MROH1: variants seen among roughly 807,000 people sequenced by gnomAD.
MROH1 encodes the protein maestro heat-like repeat-containing protein family member 1.
A neutral mutation model predicts 116.5 loss-of-function variants in MROH1; 117 were observed. The observed-to-expected ratio is 1.00, with a 90% CI of 0.86 to 1.17. MROH1 has a LOEUF of 1.17. Among genes scored for constraint, MROH1 ranks in the 50% most tolerant of loss-of-function variants. MROH1 has a pLI of 0.00. For missense variants in MROH1, 1,873 were observed against 1,338.5 expected, an observed-to-expected ratio of 1.40 and a Z score of -6.23; for synonymous variants, 921 against 583.9, an observed-to-expected ratio of 1.58 and a Z score of -8.32.
intron 10 of MROH1, among the ~76,000 whole-genome samples, chr8:144,196,988 A>G (rs542603932): frequency 0.013 from 2,014 of 151,866 alleles, 53 homozygotes; most frequent in African/African-American, 0.046. Context: ...CAGCTTACTC[A>G]GGAGGCTGAG....
chr8:144,161,850 C>T lies in MROH1; in HGVS notation c.-57+761C>T, dbSNP rs183518070. ...GTGCTGGCTACCCGCAGGGCACAGC[C>T]TCTGGTCCCAGAGCCCGGCCACTCA... On this transcript the variant is annotated intron_variant, in intron 2 of 43. Transcript: ENST00000326134. Among the ~76,000 whole-genome samples, 7 of 152,262 alleles carry T rather than the reference C, an allele frequency of 4.6e-5. No individual in the cohort carries two copies. The East Asian group carries it at 9.7e-4, about 21-fold the overall frequency.
chr8:144,247,821 G>C (rs1307086194), intron 31 of MROH1, 142 bp downstream of exon 31: 1 of 678,280 alleles, frequency 1.5e-6, no homozygotes, highest in Non-Finnish European at 2.7e-6. Flanking sequence ...CTGGGTGTTT[G>C]CATTAGTTGC....
intron 34 of MROH1, among the ~76,000 whole-genome samples, chr8:144,255,298 A>G (rs1393860071): frequency 2.6e-5 from 4 of 152,228 alleles, no homozygotes; most frequent in African/African-American, 9.6e-5. Flanking sequence ...TGTCCTGTGA[A>G]GGCTGACTGC....
chr8:144,253,190 A>G (rs1163453888), intron 33 of MROH1, among the ~76,000 whole-genome samples: 1 of 151,980 alleles, frequency 6.6e-6, no homozygotes, highest in Non-Finnish European at 1.5e-5. Flanking sequence ...GGCCATCTCT[A>G]CCCTGCCACC....
At chr8:144,253,085 TGGA>T (rs1843110118) in intron 33 of MROH1, among the ~76,000 whole-genome samples, 1 of 147,218 alleles carries the variant, frequency 6.8e-6, no homozygotes, top group Admixed American at 6.8e-5. Flanking sequence ...ACCTGGGAGG[TGGA>T]GGTTGCAGTG....
At chr8:144,210,176 C>G (rs771115657) in intron 12 of MROH1, among the ~76,000 whole-genome samples, 2 of 152,144 alleles carry the variant, frequency 1.3e-5, no homozygotes, top group Non-Finnish European at 2.9e-5. Context: ...CGGTGGCTCA[C>G]ACCTGTAATC....
At chr8:144,156,780 C>CTTTTTTTTTTTTTTTTTTT in intron 1 of MROH1, among the ~76,000 whole-genome samples, 1 of 82,412 alleles carries the variant, frequency 1.2e-5, no homozygotes, top group African/African-American at 4.3e-5. Context: ...AGTTTAATTT[C>CTTTTTTTTTTTTTTTTTTT]TTTTTTTTTT....
intron 4 of MROH1, among the ~76,000 whole-genome samples, chr8:144,176,308 G>A (rs1055355391): frequency 1.6e-4 from 25 of 151,644 alleles, no homozygotes; most frequent in African/African-American, 5.6e-4. Flanking sequence ...GGGATGCAGA[G>A]GTTGCAGTGA....
At chr8:144,210,942 C>G (rs1220198938) in intron 12 of MROH1, among the ~76,000 whole-genome samples, 1 of 152,168 alleles carries the variant, frequency 6.6e-6, no homozygotes, top group Non-Finnish European at 1.5e-5. Flanking sequence ...CTCCACAACT[C>G]TTTTCATCTT....
intron 12 of MROH1, among the ~76,000 whole-genome samples, chr8:144,211,502 G>T (rs1055915569): frequency 6.6e-6 from 1 of 152,040 alleles, no homozygotes; most frequent in Non-Finnish European, 1.5e-5. Flanking sequence ...GAGGCAGGTG[G>T]ATCACGAGGT....
chr8:144,261,305 A>G lies in MROH1; in HGVS notation c.4796A>G (p.Glu1599Gly), dbSNP rs2130130452. The G allele has an allele frequency of 1.4e-6, 1 of 726,524 alleles. No individual in the cohort carries two copies. Among genetic ancestry groups the G allele is most frequent in the Non-Finnish European group, 2.5e-6 (1 of 400,538 alleles). The allele number at this position is 726,524 out of a possible 1,614,324, so 45.0% of individuals were successfully genotyped here. The change falls in exon 43 of 44, where the codon GAG becomes GGG. Residue 1599 changes from glutamate (E) to glycine (G), a missense_variant. Physicochemically the swap from Glu to Gly is moderately conservative, Grantham distance 98 (BLOSUM62 -2). Transcript: ENST00000326134. ...ACAGGGTTCCTGGTGCTGCACTCGG[A>G]GCCCAGGCAGCAGCCGCAGGTGGAC... The part of the protein sequence containing the change: ...LFTGFLVLHS[E>G]PRQQPQVDLD...
In MROH1 at chr8:144,248,893, T is replaced by TC. The variant is rs1409914114; in HGVS notation, c.3143dup (p.Asp1049ArgfsTer12). The TC allele has an allele frequency of 3.9e-6, 3 of 778,188 alleles. No individual in the cohort carries two copies. Among genetic ancestry groups the TC allele is most frequent in the Non-Finnish European group, 4.8e-6 (2 of 417,056 alleles). 48.2% of individuals were successfully genotyped at this position (778,188 alleles called of 1,614,324 possible). A position where few individuals can be genotyped will look rare whatever the true frequency, so the allele number is the denominator to read the frequency against. On this transcript the variant is annotated frameshift_variant, in exon 32 of 44. Transcript: ENST00000326134. LOFTEE classifies it high-confidence loss of function. ...TCCTCCTAGATTATTGCCAAGCGCC[T>TC]CCCCCCAGACCAGCTCATCAGCCTC...
In MROH1 at chr8:144,168,110, A is replaced by T. The variant is rs373707790; in HGVS notation, c.23-185A>T. Among the ~76,000 whole-genome samples, 255 of 152,298 alleles carry T rather than the reference A, an allele frequency of 1.7e-3. 1 individual carries two copies. Among genetic ancestry groups the T allele is most frequent in the African/African-American group, 6.0e-3 (249 of 41,580 alleles). The stretch of plus-strand genomic sequence containing the variant: ...GCTCCACAGCCTGTCACCGCAGTGC[A>T]CCTGACCCCTGCAGCAGCTCAGGTG... On this transcript the variant is annotated intron_variant, in intron 3 of 43. Coordinates refer to ENST00000326134, the MANE Select transcript of MROH1 (RefSeq NM_032450.3).
At chr8:144,164,111 T>TA (rs1554779767) in intron 3 of MROH1, among the ~76,000 whole-genome samples, 1 of 149,940 alleles carries the variant, frequency 6.7e-6, no homozygotes, top group Admixed American at 6.6e-5. Context: ...TTTTTTTTTT[T>TA]AAGACAGGGT....
chr8:144,245,110 A>G (rs1270890825), intron 28 of MROH1, 46 bp from the exon 29 acceptor site: 3 of 778,076 alleles, frequency 3.9e-6, no homozygotes, highest in Non-Finnish European at 7.2e-6. Context: ...TCCTGCCCCC[A>G]GGGCTGCCCT....
chr8:144,168,496 T>TA (rs1460503717), intron 4 of MROH1, 56 bp downstream of exon 4: 3 of 1,546,904 alleles, frequency 1.9e-6, no homozygotes, highest in Non-Finnish European at 2.6e-6. Flanking sequence ...GGTTGGGGCT[T>TA]ACTTGGTTTG....
At chr8:144,254,232 G>C (rs2133240335) in intron 33 of MROH1, among the ~76,000 whole-genome samples, 1 of 152,250 alleles carries the variant, frequency 6.6e-6, no homozygotes, top group East Asian at 1.9e-4. Context: ...ACTGTATCTA[G>C]ACTGGCACCA....
At chr8:144,220,502 A>C (rs1313590178) in intron 12 of MROH1, 98 bp from the exon 13 acceptor site, 1 of 1,019,706 alleles carries the variant, frequency 9.8e-7, no homozygotes, top group East Asian at 2.6e-5. Context: ...TTCCTCCTAC[A>C]CGGGGACCAC....
Position 144,241,495 on chromosome 8 carries a change from T to C in MROH1, c.2156T>C (p.Ile719Thr), listed in dbSNP as rs916104014. The change falls in exon 22 of 44, where the codon ATT becomes ACT. Residue 719 changes from isoleucine to threonine, a missense_variant. By Grantham distance (89) the Ile-to-Thr change is moderately conservative. Coordinates refer to ENST00000326134, the MANE Select transcript of MROH1 (RefSeq NM_032450.3). ...FVRSEVFRKS[I>T]GILNIFKDRS... ...AGGTCAGAGGTCTTCAGAAAATCCA[T>C]TGGCATTCTCAACATTTTTAAGGTT... 2.3e-5 allele frequency: 18 copies of C among 778,526 alleles called. No individual in the cohort carries two copies. The highest frequency in any genetic ancestry group is 2.7e-5 in the South Asian group (2 of 74,532). 48.2% of individuals were successfully genotyped at this position (778,526 alleles called of 1,614,324 possible).
Sources: allele counts gnomAD v4.1 joint callset (sites outside exome capture counted in the v4.1 genomes callset), GRCh38; gene constraint gnomAD v4.1.1; transcripts MANE v1.5; gene names NCBI Gene and HGNC (gene_info 2026-07-23, HGNC 2026-07-21).